ZCWPW1: variants seen among roughly 807,000 people sequenced by gnomAD.
ZCWPW1 encodes the protein zinc finger CW-type PWWP domain protein 1.
In ZCWPW1, 56 loss-of-function variants were observed where a neutral mutation model predicts 81.3. The observed-to-expected ratio is 0.69, with a 90% confidence interval of 0.56 to 0.86. The LOEUF (loss-of-function observed/expected upper bound fraction) is 0.86. Among genes scored for constraint, ZCWPW1 ranks in the 40% least tolerant of loss-of-function variants. The pLI, the probability that ZCWPW1 is intolerant of heterozygous loss-of-function variation, is 0.00. For missense variants in ZCWPW1, 650 were observed against 769.8 expected, an observed-to-expected ratio of 0.84 and a Z score of 1.84; for synonymous variants, 250 against 273.7, an observed-to-expected ratio of 0.91 and a Z score of 0.86.
In ZCWPW1 at chr7:100,419,668, T is replaced by C; in HGVS notation, c.244A>G (p.Lys82Glu). The C allele has an allele frequency of 6.2e-7, 1 of 1,612,636 alleles. No individual in the cohort carries two copies. The highest frequency in any genetic ancestry group is 2.2e-5 in the East Asian group (1 of 44,846). ...VPSREQEKKR[K>E]AQINKQAEKK... ...TCTGCTTGCTTGTTGATTTGTGCCT[T>C]TCTTTTTTTCTCCTGTTCCCTGCTT... The change falls in exon 4 of 18, where the codon AAG becomes GAG. Residue 82 changes from lysine (K) to glutamate (E), a missense_variant. Coordinates refer to ENST00000684423, the MANE Select transcript of ZCWPW1 (RefSeq NM_001386010.1).
intron 3 of ZCWPW1, 105 bp downstream of exon 3, chr7:100,420,517 G>A: frequency 3.0e-6 from 4 of 1,342,472 alleles, no homozygotes; most frequent in African/African-American, 1.5e-5. Context: ...TGACCTGAGT[G>A]GGCACAGAAT....
chr7:100,406,036 G>A (rs545006318), intron 12 of ZCWPW1, among the ~76,000 whole-genome samples: 16 of 152,308 alleles, frequency 1.1e-4, no homozygotes, highest in African/African-American at 3.4e-4. Context: ...CTTCTGACAA[G>A]TTCCTTTAGA....
chr7:100,407,061 C>A (rs186429031), intron 11 of ZCWPW1, among the ~76,000 whole-genome samples, 167 bp downstream of exon 11: 69 of 152,254 alleles, frequency 4.5e-4, no homozygotes, highest in African/African-American at 1.6e-3. Flanking sequence ...AAGTTTGTTT[C>A]TATTATATGT....
intron 15 of ZCWPW1, 72 bp downstream of exon 15, chr7:100,403,622 G>C: frequency 7.2e-7 from 1 of 1,396,504 alleles, no homozygotes; most frequent in Non-Finnish European, 9.8e-7. Context: ...CCAGGAGTTT[G>C]AGACCAGCCT....
chr7:100,418,467 A>G (rs1795758377), intron 5 of ZCWPW1, among the ~76,000 whole-genome samples: 1 of 152,286 alleles, frequency 6.6e-6, no homozygotes, highest in East Asian at 1.9e-4. Context: ...CCTGGGCAAC[A>G]TAGCAAGACC....
chr7:100,402,571 TG>T lies in ZCWPW1; in HGVS notation c.1418del (p.Pro473GlnfsTer39), dbSNP rs1253325986. ...LEKEEGEKTD[P>X]ILPIRKRVKI... ...TGACTCGCTTACGAATGGGCAAAAT[TG>T]GGTCCTGAGGATGGGAGAGAAAGTT... On this transcript the variant is annotated frameshift_variant, in exon 16 of 18. Transcript: ENST00000684423. LOFTEE classifies it high-confidence loss of function. 1.2e-6 allele frequency: 2 copies of T among 1,614,036 alleles called. No homozygotes were observed. The highest frequency in any genetic ancestry group is 1.7e-6 in the Non-Finnish European group (2 of 1,180,012).
At position 100,425,114 on chromosome 7, in the gene ZCWPW1, T is replaced by C. The variant is rs1797062841; in HGVS notation, c.-114A>G. On this transcript the variant is annotated 5_prime_UTR_variant, in exon 2 of 18. Transcript: ENST00000684423. ...CTCTGTTTCAGGTGAATTAACTTCTTTCACAATAACAAATACTGAAAGCTG... is the reference window on the plus strand; with the variant it reads ...CTCTGTTTCAGGTGAATTAACTTCTCTCACAATAACAAATACTGAAAGCTG... The C allele has an allele frequency of 6.6e-6, 1 of 152,140 alleles. No homozygotes were observed. Among genetic ancestry groups the C allele is most frequent in the Non-Finnish European group, 1.5e-5 (1 of 68,020 alleles). The allele number at this position is 152,140 out of a possible 1,614,324, so 9.4% of individuals were successfully genotyped here. A position where few individuals can be genotyped will look rare whatever the true frequency, so the allele number is the denominator to read the frequency against.
chr7:100,424,066 G>A (rs1273247024), intron 2 of ZCWPW1, among the ~76,000 whole-genome samples: 3 of 125,138 alleles, frequency 2.4e-5, no homozygotes, highest in African/African-American at 9.0e-5. Context: ...ACAAAACTCC[G>A]TCTCAAAAAA....
chr7:100,421,818 G>A (rs957567041), intron 2 of ZCWPW1, among the ~76,000 whole-genome samples: 1 of 151,908 alleles, frequency 6.6e-6, no homozygotes, highest in Non-Finnish European at 1.5e-5. Flanking sequence ...TCAGCCTCCC[G>A]AGTAGCTGGG....
In ZCWPW1 at chr7:100,416,328, A is replaced by C; in HGVS notation, c.608T>G (p.Leu203Ter). 1 of 1,614,122 alleles carries C rather than the reference A, an allele frequency of 6.2e-7. No individual in the cohort carries two copies. Among genetic ancestry groups the C allele is most frequent in the Non-Finnish European group, 8.5e-7 (1 of 1,180,018 alleles). Residue 203 changes from leucine to a stop codon, truncating the protein, a stop_gained, in exon 7 of 18, where the codon TTA (leucine) becomes TGA (stop). Transcript: ENST00000684423. LOFTEE classifies it high-confidence loss of function. ...PSKKKSNRLT[L>*]SKRKKEAQDE... ...ACGAGCTTCCTTCTTTCTTTTGCTT[A>C]AGGTGAGTCTATTGGATTTCTTCTT...
rs770787151 is a variant in ZCWPW1 at position 100,416,052 on chromosome 7, T to C, written c.677A>G (p.Gln226Arg). 4 of 1,614,154 alleles carry C rather than the reference T, an allele frequency of 2.5e-6. No homozygotes were observed. In the South Asian group the frequency reaches 4.4e-5, roughly 18 times the overall value. The change falls in exon 8 of 18, where the codon CAG becomes CGG. Residue 226 changes from glutamine (Q) to arginine (R), a missense_variant. Physicochemically the swap from Gln to Arg is conservative, Grantham distance 43 (BLOSUM62 1). Transcript: ENST00000684423. ...AACTGTTTTCTTTAGTCGGTCTTCC[T>C]GTCTGTGCTCATGTCCACCTTGAGT... ...EKTQGGHEHR[Q>R]EDRLKKTVQD...
intron 14 of ZCWPW1, 116 bp downstream of exon 14, chr7:100,404,062 A>G: frequency 4.4e-6 from 5 of 1,139,738 alleles, no homozygotes; most frequent in Non-Finnish European, 6.3e-6. Context: ...CTCCTATTAA[A>G]GAATCCAGAA....
Position 100,402,273 on chromosome 7 carries a change from T to C in ZCWPW1, c.1475-232A>G. On this transcript the variant is annotated intron_variant, in intron 16 of 17. Transcript: ENST00000684423. ...ACAGTTCTCCTCAGAGTCTACCTTC[T>C]CCAGAAAGCCATCCTTCTTGGCTAA... is the stretch of plus-strand genomic sequence containing the variant. The C allele has an allele frequency of 1.2e-5, 10 of 817,842 alleles. No homozygotes were observed. In the South Asian group the frequency reaches 1.4e-4, roughly 11 times the overall value. The allele number at this position is 817,842 out of a possible 1,614,324, so 50.7% of individuals were successfully genotyped here.
At chr7:100,425,230 G>A (rs1797098519) in intron 1 of ZCWPW1, 94 bp from the exon 2 acceptor site, 1 of 152,130 alleles carries the variant, frequency 6.6e-6, no homozygotes, top group South Asian at 2.1e-4. Context: ...ATGACTAGGG[G>A]CTGTAGACCC....
Position 100,401,121 on chromosome 7 carries a change from G to A in ZCWPW1, c.1843C>T (p.Leu615=), listed in dbSNP as rs768091022. The change falls in exon 18 of 18, where the codon CTG becomes TTG. Residue 615 remains leucine (L), a synonymous_variant. Coordinates refer to ENST00000684423, the MANE Select transcript of ZCWPW1 (RefSeq NM_001386010.1). ...LEDEASSDLD[L]EQLMEDVGRE... Reference sequence around the variant, plus strand: ...CCAACATCTTCCATGAGTTGCTCCAGGTCCAGGTCACTGGAGGCTTCGTCC... The same window carrying A: ...CCAACATCTTCCATGAGTTGCTCCAAGTCCAGGTCACTGGAGGCTTCGTCC... 6.2e-7 allele frequency: 1 copy of A among 1,614,254 alleles called. No homozygotes were observed. The highest frequency in any genetic ancestry group is 1.7e-5 in the Admixed American group (1 of 60,030).
intron 1 of ZCWPW1, among the ~76,000 whole-genome samples, chr7:100,427,697 TA>T (rs549307225): frequency 0.014 from 1,566 of 109,866 alleles, 11 homozygotes; most frequent in African/African-American, 0.029. Flanking sequence ...AGACAGTCTT[TA>T]AAAAAAAAAA....
chr7:100,403,162 C>A (rs551607439), intron 15 of ZCWPW1, among the ~76,000 whole-genome samples: 2 of 152,012 alleles, frequency 1.3e-5, no homozygotes, highest in Middle Eastern at 3.4e-3. Flanking sequence ...TCCATTCTAA[C>A]GAGATCCTTA....
intron 5 of ZCWPW1, 123 bp from the exon 6 acceptor site, chr7:100,417,306 C>T: frequency 1.6e-6 from 1 of 637,198 alleles, no homozygotes; most frequent in South Asian, 2.2e-5. Context: ...TGTCATATCA[C>T]AGAACTTTAA....
At chr7:100,417,034 G>C (rs1479558198) in intron 6 of ZCWPW1, 32 bp downstream of exon 6, 1 of 1,481,114 alleles carries the variant, frequency 6.8e-7, no homozygotes, top group Non-Finnish European at 9.4e-7. Flanking sequence ...AGTCCATTCT[G>C]TGTTCAACTT....
Sources: gnomAD v4.1 joint callset for allele counts (sites outside exome capture counted in the v4.1 genomes callset) on GRCh38, gnomAD v4.1.1 for gene constraint, MANE v1.5 for transcripts, NCBI Gene and HGNC (gene_info 2026-07-23, HGNC 2026-07-21) for gene names.